CSMD1: variants seen among roughly 807,000 people sequenced by gnomAD.
The protein encoded by CSMD1 is CUB and Sushi multiple domains 1, also known as CUB and sushi domain-containing protein 1.
A neutral mutation model predicts 417.5 loss-of-function variants in CSMD1; 213 were observed. That is an observed-to-expected ratio of 0.51 (90% CI 0.46 to 0.57). CSMD1 has a LOEUF of 0.57. CSMD1 is among the 20% of genes least tolerant of loss of function. The pLI is 0.00. For synonymous variants in CSMD1, 2,862 were observed against 1,736.8 expected, an observed-to-expected ratio of 1.65 and a Z score of -16.11; for missense variants, 6,923 against 4,529.7, an observed-to-expected ratio of 1.53 and a Z score of -15.17.
At chr8:3,510,467 A>G (rs1797017915) in intron 10 of CSMD1, among the ~76,000 whole-genome samples, 1 of 151,866 alleles carries the variant, frequency 6.6e-6, no homozygotes, top group African/African-American at 2.4e-5. Context: ...CCTCACCCTC[A>G]ATATCATCTT....
rs186399633 is a variant in CSMD1 at position 4,226,546 on chromosome 8, C to A, written c.415+193407G>T. Among the ~76,000 whole-genome samples, 6 of 152,184 alleles carry A rather than the reference C, an allele frequency of 3.9e-5. No individual in the cohort carries two copies. The East Asian group carries it at 1.2e-3, about 29-fold the overall frequency. On this transcript the variant is annotated intron_variant, in intron 3 of 69. Coordinates refer to ENST00000635120, the MANE Select transcript of CSMD1 (RefSeq NM_033225.6). ...ACAATTAGCCTTGATCCTAAAAAAT[C>A]ATGGATACCATAAGTTGAAAAAACT...
intron 2 of CSMD1, among the ~76,000 whole-genome samples, chr8:4,561,189 G>A (rs1798314427): frequency 6.6e-6 from 1 of 152,158 alleles, no homozygotes; most frequent in South Asian, 2.1e-4. Flanking sequence ...GGCCAACCTG[G>A]TGAAACCCCA....
chr8:3,415,823 CTTCT>C (rs1813106345), intron 12 of CSMD1, among the ~76,000 whole-genome samples: 1 of 152,108 alleles, frequency 6.6e-6, no homozygotes, highest in Non-Finnish European at 1.5e-5. Flanking sequence ...GAAGACAAAA[CTTCT>C]TTATTGGTAA....
intron 1 of CSMD1, among the ~76,000 whole-genome samples, chr8:4,988,651 C>G (rs2117467769): frequency 6.6e-6 from 1 of 152,280 alleles, no homozygotes; most frequent in Non-Finnish European, 1.5e-5. Flanking sequence ...CTCTCATCTT[C>G]ATAGAACAAA....
intron 12 of CSMD1, among the ~76,000 whole-genome samples, chr8:3,466,925 T>A (rs1167297575): frequency 6.6e-6 from 1 of 152,164 alleles, no homozygotes; most frequent in African/African-American, 2.4e-5. Context: ...AATCCTCAAA[T>A]GTTGTATTGG....
At chr8:3,050,511 A>G (rs1811751229) in intron 50 of CSMD1, among the ~76,000 whole-genome samples, 1 of 152,202 alleles carries the variant, frequency 6.6e-6, no homozygotes, top group African/African-American at 2.4e-5. Context: ...CCAAACATAT[A>G]CATATTGCCA....
intron 2 of CSMD1, among the ~76,000 whole-genome samples, chr8:4,429,915 A>G (rs1247378892): frequency 6.6e-6 from 1 of 152,132 alleles, no homozygotes; most frequent in East Asian, 1.9e-4. Context: ...TTGGGGATTC[A>G]ATCAGTGGTC....
At chr8:4,076,346 A>G (rs967428792) in intron 3 of CSMD1, among the ~76,000 whole-genome samples, 3 of 152,204 alleles carry the variant, frequency 2.0e-5, no homozygotes, top group Non-Finnish European at 2.9e-5. Context: ...TGTGTCAATC[A>G]AACCTCTTTC....
chr8:3,096,814 G>T, intron 47 of CSMD1, 35 bp downstream of exon 47: 2 of 1,309,112 alleles, frequency 1.5e-6, no homozygotes, highest in Non-Finnish European at 2.1e-6. Flanking sequence ...CAATGATGCC[G>T]AGGTCACTGC....
chr8:4,690,371 G>C (rs1379603963), intron 1 of CSMD1, among the ~76,000 whole-genome samples: 2 of 152,140 alleles, frequency 1.3e-5, no homozygotes, highest in Non-Finnish European at 2.9e-5. Context: ...TTTTGAATGA[G>C]TAAATGGGGG....
chr8:4,665,989 T>C (rs746642553), intron 1 of CSMD1, among the ~76,000 whole-genome samples: 2 of 152,198 alleles, frequency 1.3e-5, no homozygotes, highest in Non-Finnish European at 2.9e-5. Context: ...TAATATTGCA[T>C]GAACTCTGCA....
intron 10 of CSMD1, among the ~76,000 whole-genome samples, chr8:3,523,348 T>C (rs559348061): frequency 6.6e-6 from 1 of 152,216 alleles, no homozygotes; most frequent in Non-Finnish European, 1.5e-5. Flanking sequence ...CAACACAGTG[T>C]CATTCTGAGA....
At chr8:3,075,911 C>A (rs369761192) in intron 49 of CSMD1, among the ~76,000 whole-genome samples, 1 of 150,458 alleles carries the variant, frequency 6.6e-6, no homozygotes, top group Non-Finnish European at 1.5e-5. Flanking sequence ...ATTAGCCGGG[C>A]GTGGTGGCGG....
At chr8:4,871,228 C>G (rs1802720839) in intron 1 of CSMD1, among the ~76,000 whole-genome samples, 1 of 152,064 alleles carries the variant, frequency 6.6e-6, no homozygotes. Context: ...AGTGGGTGGT[C>G]CAGAGCTAGC....
chr8:3,650,739 C>T (rs925326354), intron 7 of CSMD1, among the ~76,000 whole-genome samples: 1 of 152,218 alleles, frequency 6.6e-6, no homozygotes, highest in Non-Finnish European at 1.5e-5. Context: ...TCGATGACTT[C>T]TTCAGCATTT....
intron 2 of CSMD1, among the ~76,000 whole-genome samples, chr8:4,580,521 C>A (rs542985187): frequency 2.0e-5 from 3 of 152,268 alleles, no homozygotes; most frequent in African/African-American, 7.2e-5. Context: ...TGGCTCGGGC[C>A]GTCGGGTTCC....
intron 2 of CSMD1, among the ~76,000 whole-genome samples, chr8:4,541,117 T>C (rs982720502): frequency 3.3e-5 from 5 of 152,222 alleles, no homozygotes; most frequent in African/African-American, 7.2e-5. Context: ...TTGAGAATTA[T>C]GAGAACTGAT....
chr8:4,001,020 C>T (rs1585110267), intron 4 of CSMD1, among the ~76,000 whole-genome samples: 1 of 149,426 alleles, frequency 6.7e-6, no homozygotes, highest in African/African-American at 2.5e-5. Flanking sequence ...GCAAGAAATC[C>T]CCCCTTTCAA....
chr8:3,182,887 TGTGTGTGTGTATTGTTAGTAGAGAAGGG>T (rs1356191993), intron 36 of CSMD1: 46 of 143,458 alleles, frequency 3.2e-4, no homozygotes, highest in African/African-American at 1.1e-3. Context: ...TGTGTGTGTG[TGTGTGTGTGTATTGTTAGTAGAGAAGGG>T]GTTGTTAGTA....
Sources: gnomAD v4.1 joint callset for allele counts (sites outside exome capture counted in the v4.1 genomes callset) on GRCh38, gnomAD v4.1.1 for gene constraint, MANE v1.5 for transcripts, NCBI Gene and HGNC (gene_info 2026-07-23, HGNC 2026-07-21) for gene names.